ERG: variants seen among roughly 807,000 people sequenced by gnomAD.
The protein encoded by ERG is ETS transcription factor ERG.
Under a neutral mutation model 55.3 loss-of-function variants are expected in ERG, and 9 were observed. That is an observed-to-expected ratio of 0.16 (90% CI 0.10 to 0.28). The LOEUF is 0.28. ERG is among the 10% of genes least tolerant of loss of function. The pLI is 1.00. For synonymous variants in ERG, 223 were observed against 237.3 expected, an observed-to-expected ratio of 0.94 and a Z score of 0.55; for missense variants, 434 against 631.6, an observed-to-expected ratio of 0.69 and a Z score of 3.35.
intron 2 of ERG, among the ~76,000 whole-genome samples, chr21:38,443,701 G>A (rs2058862884): frequency 6.6e-6 from 1 of 151,818 alleles, no homozygotes; most frequent in African/African-American, 2.4e-5. Flanking sequence ...CAACTTTGGT[G>A]TCCTGGACCC....
intron 3 of ERG, among the ~76,000 whole-genome samples, chr21:38,405,631 C>T (rs535164836): frequency 3.3e-5 from 5 of 152,240 alleles, no homozygotes; most frequent in East Asian, 3.9e-4. Context: ...GTCCTCCAAC[C>T]GCGGAAGCAT....
At position 38,400,511 on chromosome 21, in the gene ERG, G is replaced by A. The variant is rs577025073; in HGVS notation, c.745+63C>T. 230 of 1,305,144 alleles carry A rather than the reference G, an allele frequency of 1.8e-4. 1 individual carries two copies. In the Admixed American group the frequency reaches 3.5e-3, roughly 20 times the overall value. The allele number at this position is 1,305,144 out of a possible 1,614,324, so 80.8% of individuals were successfully genotyped here. ...CTTTGTATCACGTGACTTAGGGCAC[G>A]GATCTCAGCAGGACATCTGGGATGT... is the stretch of plus-strand genomic sequence containing the variant. On this transcript the variant is annotated intron_variant, in intron 6 of 9. Transcript: ENST00000288319.
chr21:38,376,610 G>A (rs925141551), downstream of ERG, among the ~76,000 whole-genome samples: 3 of 152,256 alleles, frequency 2.0e-5, no homozygotes, highest in Admixed American at 6.5e-5. Context: ...ATGGAAGAAA[G>A]GAACAGCCAT....
intron 2 of ERG, among the ~76,000 whole-genome samples, chr21:38,518,610 C>T (rs977835215): frequency 1.3e-5 from 2 of 151,924 alleles, no homozygotes; most frequent in African/African-American, 4.8e-5. Context: ...AGAAGTAACT[C>T]ATAACATCAC....
chr21:38,593,240 G>A (rs1372918064), intron 1 of ERG, among the ~76,000 whole-genome samples: 1 of 152,210 alleles, frequency 6.6e-6, no homozygotes, highest in Non-Finnish European at 1.5e-5. Context: ...AAGGAAAACA[G>A]ACAGCATTTG....
At chr21:38,370,525 A>T in the ERG span, among the ~76,000 whole-genome samples, 1 of 152,112 alleles carries the variant, frequency 6.6e-6, no homozygotes, top group Admixed American at 6.5e-5. Flanking sequence ...TTCTCCTGTA[A>T]TACCTTCTAA....
chr21:38,473,881 A>T (rs1601457568), intron 1 of ERG: 1 of 151,714 alleles, frequency 6.6e-6, no homozygotes, highest in Non-Finnish European at 1.5e-5. Context: ...TGTATGTGTG[A>T]GCGTATGTGT....
intron 2 of ERG, among the ~76,000 whole-genome samples, chr21:38,427,729 A>G (rs1236602546): frequency 6.6e-6 from 1 of 152,190 alleles, no homozygotes; most frequent in Non-Finnish European, 1.5e-5. Flanking sequence ...CTCTGGTTTA[A>G]GGTGTACACT....
chr21:38,479,015 T>C (rs536991334), intron 1 of ERG, among the ~76,000 whole-genome samples: 14 of 152,282 alleles, frequency 9.2e-5, no homozygotes, highest in African/African-American at 2.9e-4. Context: ...AGTAAAATGA[T>C]GAGATAAGGA....
rs1233164471 is a variant in ERG, at chr21:38,400,406, G to A, written c.745+168C>T. 6.7e-6 allele frequency: 5 copies of A among 740,854 alleles called. No homozygotes were observed. The East Asian group carries it at 1.0e-4, about 15-fold the overall frequency. The allele number at this position is 740,854 out of a possible 1,614,324, so 45.9% of individuals were successfully genotyped here. On this transcript the variant is annotated intron_variant, in intron 6 of 9. Coordinates refer to ENST00000288319, the MANE Select transcript of ERG (RefSeq NM_182918.4). The stretch of plus-strand genomic sequence containing the variant: ...TTTAGTGTGGTCTTTGAATGAAATG[G>A]TTTGAGTGGATTTAGTCTCCAAATC...
At chr21:38,429,933 A>G (rs1246040389) in intron 2 of ERG, among the ~76,000 whole-genome samples, 1 of 151,996 alleles carries the variant, frequency 6.6e-6, no homozygotes, top group Admixed American at 6.6e-5. Flanking sequence ...TTTACTTCTA[A>G]TTTTCCATAC....
chr21:38,367,295 T>C, the ERG span, among the ~76,000 whole-genome samples: 1 of 152,212 alleles, frequency 6.6e-6, no homozygotes, highest in Non-Finnish European at 1.5e-5. Flanking sequence ...AACAAATTTC[T>C]CCATAAACAT....
chr21:38,465,768 T>A (rs1480403701), intron 1 of ERG, among the ~76,000 whole-genome samples: 1 of 152,184 alleles, frequency 6.6e-6, no homozygotes, highest in African/African-American at 2.4e-5. Context: ...AATTTATAAG[T>A]TTTGCCACAC....
intron 2 of ERG, among the ~76,000 whole-genome samples, chr21:38,444,739 AAC>A (rs371143325): frequency 0.038 from 5,601 of 148,560 alleles, 135 homozygotes; most frequent in South Asian, 0.092. Flanking sequence ...AAAAAAAAAA[AAC>A]AAACAGCAGG....
intron 2 of ERG, among the ~76,000 whole-genome samples, chr21:38,522,694 A>C (rs2059603523): frequency 6.6e-6 from 1 of 152,212 alleles, no homozygotes; most frequent in Non-Finnish European, 1.5e-5. Context: ...TTGGTTCAAA[A>C]TATTTCCAAG....
Position 38,380,334 on chromosome 21 carries a change from G to A in ERG, c.*3069C>T, listed in dbSNP as rs1987368381. 9.4e-7 allele frequency: 1 copy of A among 1,058,272 alleles called. No homozygotes were observed. The highest frequency in any genetic ancestry group is 1.1e-6 in the Non-Finnish European group (1 of 874,888). 65.6% of individuals were successfully genotyped at this position (1,058,272 alleles called of 1,614,324 possible). A position where few individuals can be genotyped will look rare whatever the true frequency, so the allele number is the denominator to read the frequency against. ...GTGCAGAAGGCTTAGGAGAAGCAGTGAGCCTTCTAACTGCAGCAGTCCTGA... is the reference window on the plus strand; with the variant it reads ...GTGCAGAAGGCTTAGGAGAAGCAGTAAGCCTTCTAACTGCAGCAGTCCTGA... On this transcript the variant is annotated 3_prime_UTR_variant, in exon 10 of 10. Coordinates refer to ENST00000288319, the MANE Select transcript of ERG (RefSeq NM_182918.4).
At chr21:38,452,164 T>C (rs1436386930) in intron 1 of ERG, among the ~76,000 whole-genome samples, 6 of 152,198 alleles carry the variant, frequency 3.9e-5, no homozygotes, top group African/African-American at 1.4e-4. Context: ...ATCACTTCAG[T>C]GTCAAATAAT....
Position 38,402,314 on chromosome 21 carries a change from C to T in ERG, c.673+243G>A, listed in dbSNP as rs143230467. 3.3e-5 allele frequency among the ~76,000 whole-genome samples: 5 copies of T among 152,250 alleles called. 1 individual carries two copies. In the South Asian group the frequency reaches 6.2e-4, roughly 19 times the overall value. On this transcript the variant is annotated intron_variant, in intron 5 of 9. Coordinates refer to ENST00000288319, the MANE Select transcript of ERG (RefSeq NM_182918.4). ...GTTATGGCTAAAGGCAAATTCTGCA[C>T]GTCTCCTGGTTAAAAAGGAACCCTT... is the stretch of plus-strand genomic sequence containing the variant.
chr21:38,560,515 A>G (rs551627727), intron 2 of ERG, among the ~76,000 whole-genome samples: 1 of 152,234 alleles, frequency 6.6e-6, no homozygotes, highest in Admixed American at 6.5e-5. Flanking sequence ...TCAAATCTGT[A>G]CCTGGTCTGA....
Sources: allele counts gnomAD v4.1 joint callset (sites outside exome capture counted in the v4.1 genomes callset), GRCh38; gene constraint gnomAD v4.1.1; transcripts MANE v1.5; gene names NCBI Gene and HGNC (gene_info 2026-07-23, HGNC 2026-07-21).